Variants in ABCC4 observed in about 807,000 individuals in gnomAD.
ABCC4 encodes the protein ATP-binding cassette sub-family C member 4.
Under a neutral mutation model 168.5 loss-of-function variants are expected in ABCC4, and 102 were observed. The ratio of observed to expected loss-of-function variants is 0.61; its 90% CI spans 0.52 to 0.71. The LOEUF (loss-of-function observed/expected upper bound fraction) is 0.71, where lower values mean the gene tolerates loss of function less well. ABCC4 is among the 30% of genes least tolerant of loss of function. ABCC4 has a pLI of 0.00. For synonymous variants in ABCC4, 617 were observed against 590.7 expected (o/e 1.04, Z -0.65); for missense variants, 1,402 against 1,605.8 (o/e 0.87, Z 2.17).
In ABCC4 at chr13:95,289,607, G is replaced by C. The variant is rs1349363855; in HGVS notation, c.74+11634C>G. On this transcript the variant is annotated intron_variant, in intron 1 of 30. Transcript: ENST00000645237. The stretch of plus-strand genomic sequence containing the variant: ...CAGCCACTGGCTGAGCACCCACAGA[G>C]GGGAGTAAGTCCTATTGTGGTAATG... Among the ~76,000 whole-genome samples, 7 of 152,188 alleles carry C rather than the reference G, an allele frequency of 4.6e-5. No homozygotes were observed. The South Asian group carries it at 1.4e-3, about 32-fold the overall frequency.
At chr13:95,074,145 G>A in intron 23 of ABCC4, 69 bp downstream of exon 23, 1 of 1,256,420 alleles carries the variant, frequency 8.0e-7, no homozygotes. Flanking sequence ...GGTGGCAAGA[G>A]TTTAATAAAT....
chr13:95,117,099 C>G (rs2035403705), intron 19 of ABCC4, among the ~76,000 whole-genome samples: 1 of 152,168 alleles, frequency 6.6e-6, no homozygotes, highest in Non-Finnish European at 1.5e-5. Flanking sequence ...CAAGTTGGAG[C>G]TGCACCTCAA....
chr13:95,282,451 G>A (rs34665760), intron 1 of ABCC4, among the ~76,000 whole-genome samples: 13,188 of 152,240 alleles, frequency 0.087, 693 homozygotes, highest in East Asian at 0.2. Flanking sequence ...AAACAGAATC[G>A]AAAATACCAG....
chr13:95,114,963 T>C (rs946211256), intron 20 of ABCC4, among the ~76,000 whole-genome samples: 2 of 152,138 alleles, frequency 1.3e-5, no homozygotes, highest in Admixed American at 6.6e-5. Context: ...CTATTCTAAG[T>C]TGGCACTTAG....
At chr13:95,106,368 C>G (rs1374288501) in intron 20 of ABCC4, among the ~76,000 whole-genome samples, 1 of 148,148 alleles carries the variant, frequency 6.8e-6, no homozygotes, top group Non-Finnish European at 1.5e-5. Context: ...TATATATATA[C>G]ATATATACGC....
chr13:95,171,298 C>T (rs552591192), intron 13 of ABCC4, among the ~76,000 whole-genome samples: 3 of 151,946 alleles, frequency 2.0e-5, no homozygotes, highest in Non-Finnish European at 4.4e-5. Context: ...TAAGACCCAC[C>T]TCAGTATTCA....
chr13:95,035,349 A>T (rs986522989), intron 29 of ABCC4, among the ~76,000 whole-genome samples: 8 of 152,222 alleles, frequency 5.3e-5, no homozygotes, highest in African/African-American at 1.7e-4. Context: ...CTCTGGGTGT[A>T]CTTTATTATT....
At chr13:95,234,352 T>A (rs1203349803) in intron 4 of ABCC4, among the ~76,000 whole-genome samples, 1 of 152,228 alleles carries the variant, frequency 6.6e-6, no homozygotes, top group Non-Finnish European at 1.5e-5. Flanking sequence ...GTAGAAAACT[T>A]TCATTATACA....
chr13:95,040,317 C>G (rs1206673135), intron 29 of ABCC4, among the ~76,000 whole-genome samples: 2 of 152,298 alleles, frequency 1.3e-5, no homozygotes, highest in East Asian at 1.9e-4. Flanking sequence ...CTGCAACCTC[C>G]GCCTCCCAGG....
chr13:95,231,846 G>A (rs1243645479), intron 4 of ABCC4, among the ~76,000 whole-genome samples: 4 of 152,172 alleles, frequency 2.6e-5, no homozygotes, highest in African/African-American at 7.2e-5. Flanking sequence ...TTTCCAAAGC[G>A]TTAGTGGAAA....
chr13:95,197,426 A>G (rs4148478), intron 8 of ABCC4, among the ~76,000 whole-genome samples: 16,299 of 152,268 alleles, frequency 0.11, 1,089 homozygotes, highest in African/African-American at 0.18. Context: ...CTATGCACAC[A>G]GTAAACCTAT....
chr13:95,038,492 G>A (rs2032219643), intron 29 of ABCC4, among the ~76,000 whole-genome samples: 1 of 151,818 alleles, frequency 6.6e-6, no homozygotes, highest in South Asian at 2.1e-4. Flanking sequence ...CAAAATTTCT[G>A]AGGAGGAGCT....
chr13:95,097,895 A>C (rs1420235129), intron 20 of ABCC4, among the ~76,000 whole-genome samples: 1 of 151,992 alleles, frequency 6.6e-6, no homozygotes, highest in Non-Finnish European at 1.5e-5. Context: ...CAGCACTTTT[A>C]GAGGCTGAGG....
intron 19 of ABCC4, among the ~76,000 whole-genome samples, chr13:95,122,401 C>A (rs553783284): frequency 1.3e-5 from 2 of 152,302 alleles, no homozygotes; most frequent in Middle Eastern, 3.4e-3. Flanking sequence ...AAACATACAG[C>A]ATGAAAACTT....
intron 26 of ABCC4, 57 bp from the exon 27 acceptor site, chr13:95,053,241 A>T (rs532257579): frequency 7.8e-7 from 1 of 1,287,658 alleles, no homozygotes; most frequent in Admixed American, 1.7e-5. Context: ...ATTTTATTCC[A>T]ATGCTAACAT....
chr13:95,175,159 C>T lies in ABCC4; in HGVS notation c.1727+2548G>A, dbSNP rs9561799. ...GTCCAAACCCCTGGAATCCAGAGCC[C>T]AGAGATGAGTTACTCTCACACAGCC... is the stretch of plus-strand genomic sequence containing the variant. On this transcript the variant is annotated intron_variant, in intron 13 of 30. Transcript: ENST00000645237. Among the ~76,000 whole-genome samples, 13 of 152,200 alleles carry T rather than the reference C, an allele frequency of 8.5e-5. No individual in the cohort carries two copies. In the East Asian group the frequency reaches 2.5e-3, roughly 29 times the overall value.
intron 19 of ABCC4, among the ~76,000 whole-genome samples, chr13:95,152,874 C>T (rs1326376265): frequency 6.6e-6 from 1 of 152,168 alleles, no homozygotes; most frequent in African/African-American, 2.4e-5. Context: ...AACCAGAGTT[C>T]TCATATGAGA....
intron 1 of ABCC4, among the ~76,000 whole-genome samples, chr13:95,292,581 A>C (rs892272023): frequency 5.3e-5 from 8 of 152,220 alleles, no homozygotes; most frequent in Non-Finnish European, 1.0e-4. Flanking sequence ...ACACAAGTAG[A>C]AATTGCATGG....
intron 4 of ABCC4, among the ~76,000 whole-genome samples, chr13:95,215,295 G>A (rs568260317): frequency 6.6e-6 from 1 of 152,042 alleles, no homozygotes. Flanking sequence ...CCAGCTACTC[G>A]GGGGCTGACG....
Sources: allele counts gnomAD v4.1 joint callset (sites outside exome capture counted in the v4.1 genomes callset), GRCh38; gene constraint gnomAD v4.1.1; transcripts MANE v1.5; gene names NCBI Gene and HGNC (gene_info 2026-07-23, HGNC 2026-07-21).